The following VRK2 variants were observed in gnomAD, a reference collection of about 807,000 sequenced individuals.
VRK2 encodes the protein serine/threonine-protein kinase VRK2.
In VRK2, 60 loss-of-function variants were observed where a neutral mutation model predicts 57.6. The observed-to-expected ratio is 1.04, with a 90% CI of 0.85 to 1.29. The LOEUF (loss-of-function observed/expected upper bound fraction) is 1.29, where lower values mean the gene tolerates loss of function less well. Ranked by LOEUF, VRK2 falls within the 50% of genes most tolerant of loss-of-function variation. VRK2 has a pLI of 0.00. For missense variants in VRK2, 705 were observed against 588.1 expected, an observed-to-expected ratio of 1.20 and a Z score of -2.06; for synonymous variants, 231 against 199.2, an observed-to-expected ratio of 1.16 and a Z score of -1.35.
chr2:58,022,134 T>C (rs1673776217), intron 1 of VRK2, among the ~76,000 whole-genome samples: 1 of 152,214 alleles, frequency 6.6e-6, no homozygotes, highest in Admixed American at 6.5e-5. Context: ...TTCCTAATTA[T>C]TGCAATTATG....
At chr2:58,120,179 C>CTTTTTTTTT (rs1677207512) in intron 7 of VRK2, among the ~76,000 whole-genome samples, 1 of 93,370 alleles carries the variant, frequency 1.1e-5, no homozygotes, top group African/African-American at 4.6e-5. Flanking sequence ...ATTTTTTTTT[C>CTTTTTTTTT]TTTTCTTTTT....
intron 1 of VRK2, among the ~76,000 whole-genome samples, chr2:58,000,472 T>C (rs957471372): frequency 6.6e-6 from 1 of 152,238 alleles, no homozygotes; most frequent in South Asian, 2.1e-4. Context: ...TCTTCAGTTA[T>C]AGAAATTCTT....
At position 58,123,184 on chromosome 2, in the gene VRK2, C is replaced by A. The variant is rs1257584373; in HGVS notation, c.627C>A (p.Gly209=). The change falls in exon 8 of 13, where the codon GGC becomes GGA. Residue 209 remains glycine, a synonymous_variant. Transcript: ENST00000340157. Reference sequence around the variant, plus strand: ...AGTATCAGGAAAATCCTAGAAAAGGCCATAATGGGACAATAGAGTTTACCA... The same window carrying A: ...AGTATCAGGAAAATCCTAGAAAAGGACATAATGGGACAATAGAGTTTACCA... ...HKQYQENPRK[G]HNGTIEFTSL... 3 of 1,594,168 alleles carry A rather than the reference C, an allele frequency of 1.9e-6. No homozygotes were observed. Among genetic ancestry groups the A allele is most frequent in the East Asian group, 2.3e-5 (1 of 44,058 alleles).
At chr2:58,084,159 T>G (rs1671290071) in intron 3 of VRK2, 21 bp downstream of exon 3, 2 of 1,587,252 alleles carry the variant, frequency 1.3e-6, no homozygotes, top group Non-Finnish European at 1.7e-6. Context: ...CTCATAGATT[T>G]GTATTTCACA....
intron 7 of VRK2, among the ~76,000 whole-genome samples, chr2:58,102,091 G>T (rs560826050): frequency 2.7e-4 from 41 of 151,592 alleles, no homozygotes; most frequent in African/African-American, 9.7e-4. Flanking sequence ...TGTGTCAAAA[G>T]ATCTTTACTA....
intron 1 of VRK2, among the ~76,000 whole-genome samples, chr2:58,012,574 T>C (rs1253562554): frequency 6.6e-6 from 1 of 152,236 alleles, no homozygotes; most frequent in East Asian, 1.9e-4. Context: ...TTTGGGGGGA[T>C]AGGGCTGAAA....
chr2:57,976,741 ACTTTTGTTTTCATTGCAATTG>A (rs1376201534), intron 1 of VRK2, among the ~76,000 whole-genome samples: 2 of 151,992 alleles, frequency 1.3e-5, no homozygotes, highest in Non-Finnish European at 2.9e-5. Context: ...CCACTTGTCT[ACTTTTGTTTTCATTGCAATTG>A]CTTTTGGAGA....
At chr2:58,072,654 G>T (rs1669515275) in intron 2 of VRK2, among the ~76,000 whole-genome samples, 1 of 151,846 alleles carries the variant, frequency 6.6e-6, no homozygotes, top group Admixed American at 6.6e-5. Flanking sequence ...TGATGGATTT[G>T]ATTTGCTAAT....
In VRK2 at chr2:57,950,865, G is replaced by A. The variant is rs188541655; in HGVS notation, c.-439+43026G>A. Among the ~76,000 whole-genome samples the A allele has an allele frequency of 4.3e-4, 65 of 151,942 alleles. 2 individuals are homozygous for A. In the South Asian group the frequency reaches 5.0e-3, roughly 12 times the overall value. ...TCCCAGCACTTTGAGAGGCTGAGGCGGGTGGATCACGAGGTCAGGAGATCA... is the reference window on the plus strand; with the variant it reads ...TCCCAGCACTTTGAGAGGCTGAGGCAGGTGGATCACGAGGTCAGGAGATCA... On this transcript the variant is annotated intron_variant, in intron 1 of 15. Transcript: ENST00000417641.
chr2:58,120,682 A>G (rs1677351231), intron 7 of VRK2, among the ~76,000 whole-genome samples: 1 of 152,158 alleles, frequency 6.6e-6, no homozygotes, highest in Admixed American at 6.5e-5. Context: ...CATTAACTTA[A>G]GAATACTTGA....
intron 11 of VRK2, among the ~76,000 whole-genome samples, chr2:58,142,923 A>G (rs916243979): frequency 2.6e-5 from 4 of 151,848 alleles, no homozygotes; most frequent in African/African-American, 7.2e-5. Context: ...ACTTGGGCAT[A>G]ATGAGCCCTC....
chr2:57,989,415 G>C (rs1392711439), intron 1 of VRK2, among the ~76,000 whole-genome samples: 1 of 152,188 alleles, frequency 6.6e-6, no homozygotes, highest in Non-Finnish European at 1.5e-5. Context: ...CACAAAAAGT[G>C]AGTTGGAACA....
intron 1 of VRK2, among the ~76,000 whole-genome samples, chr2:57,976,845 AG>A (rs1178417709): frequency 6.6e-6 from 1 of 152,044 alleles, no homozygotes; most frequent in Non-Finnish European, 1.5e-5. Flanking sequence ...AAGTTTTTAT[AG>A]TTTCAGGTCT....
At chr2:58,032,050 G>C (rs1212266948) in intron 2 of VRK2, among the ~76,000 whole-genome samples, 1 of 151,950 alleles carries the variant, frequency 6.6e-6, no homozygotes, top group Non-Finnish European at 1.5e-5. Context: ...CTCACTCTTA[G>C]AAAACTCAAT....
At chr2:57,968,664 A>G (rs1671996352) in intron 1 of VRK2, among the ~76,000 whole-genome samples, 1 of 152,122 alleles carries the variant, frequency 6.6e-6, no homozygotes, top group Non-Finnish European at 1.5e-5. Context: ...CACACACGGA[A>G]AAATAAAAAT....
intron 2 of VRK2, among the ~76,000 whole-genome samples, chr2:58,052,384 G>A (rs1004680902): frequency 2.6e-5 from 4 of 152,038 alleles, no homozygotes; most frequent in African/African-American, 7.2e-5. Context: ...AGGCCCAGGC[G>A]GGTGGATTGC....
chr2:58,072,876 C>G (rs919135280), intron 2 of VRK2, among the ~76,000 whole-genome samples: 3 of 151,938 alleles, frequency 2.0e-5, no homozygotes, highest in African/African-American at 7.2e-5. Flanking sequence ...ATTAGCCCAT[C>G]TAGGCCCACC....
rs371025638 is a variant in VRK2 at position 58,013,642 on chromosome 2, C to A, written c.-438-12023C>A. ...GTCCCAGCACTTTGGGAGGCCGAGG[C>A]GGGCGGATCACGAGGTCAGGAGATC... On this transcript the variant is annotated intron_variant, in intron 1 of 15. Transcript: ENST00000417641. 1.2e-3 allele frequency among the ~76,000 whole-genome samples: 175 copies of A among 152,008 alleles called. 1 individual carries two copies. Among genetic ancestry groups the A allele is most frequent in the African/African-American group, 4.1e-3 (169 of 41,488 alleles).
At chr2:57,974,171 ATATT>A (rs1672176858) in intron 1 of VRK2, among the ~76,000 whole-genome samples, 1 of 152,006 alleles carries the variant, frequency 6.6e-6, no homozygotes. Context: ...TAAGGTTTTT[ATATT>A]TATTTAAAGC....
Sources: allele counts gnomAD v4.1 joint callset (sites outside exome capture counted in the v4.1 genomes callset), GRCh38; gene constraint gnomAD v4.1.1; transcripts MANE v1.5; gene names NCBI Gene and HGNC (gene_info 2026-07-23, HGNC 2026-07-21).